Variants in TP63 observed in about 807,000 individuals in gnomAD.
TP63 encodes tumor protein p63.
A neutral mutation model predicts 82.8 loss-of-function variants in TP63; 17 were observed. The ratio of observed to expected loss-of-function variants is 0.21; its 90% CI spans 0.14 to 0.31. TP63 has a LOEUF of 0.31. TP63 is among the 10% of genes least tolerant of loss of function. The probability of loss-of-function intolerance (pLI) is 1.00; values close to 1 mark genes in which losing one functional copy is unlikely to be tolerated. For missense variants in TP63, 648 were observed against 895.3 expected (o/e 0.72, Z 3.52); for synonymous variants, 330 against 321.7 (o/e 1.03, Z -0.28).
chr3:189,827,398 G>A (rs951556737), intron 4 of TP63, among the ~76,000 whole-genome samples: 2 of 152,104 alleles, frequency 1.3e-5, no homozygotes, highest in Admixed American at 6.5e-5. Flanking sequence ...GAGTTCAGAG[G>A]CAGTAGCTTT....
intron 3 of TP63, among the ~76,000 whole-genome samples, chr3:189,779,994 T>C (rs998838311): frequency 6.6e-6 from 1 of 152,126 alleles, no homozygotes; most frequent in Admixed American, 6.6e-5. Flanking sequence ...AACAGTAATA[T>C]AGGTATCCCA....
At chr3:189,858,740 C>T in intron 4 of TP63, among the ~76,000 whole-genome samples, 1 of 152,132 alleles carries the variant, frequency 6.6e-6, no homozygotes, top group East Asian at 1.9e-4. Flanking sequence ...GATGGTGCCA[C>T]TGTACTGCAG....
intron 3 of TP63, among the ~76,000 whole-genome samples, chr3:189,774,398 G>T (rs1244759704): frequency 1.3e-5 from 2 of 152,178 alleles, no homozygotes; most frequent in African/African-American, 2.4e-5. Context: ...TATGTGTAGC[G>T]ATTTTGCAAC....
At chr3:189,773,035 G>A (rs533658289) in intron 3 of TP63, among the ~76,000 whole-genome samples, 15 of 152,198 alleles carry the variant, frequency 9.9e-5, no homozygotes, top group Non-Finnish European at 1.8e-4. Flanking sequence ...ATAAATCAGC[G>A]AAAATGTTTC....
chr3:189,718,658 C>G (rs549767707), intron 1 of TP63, among the ~76,000 whole-genome samples: 7 of 151,598 alleles, frequency 4.6e-5, no homozygotes, highest in African/African-American at 1.2e-4. Flanking sequence ...AGTGTAAAGA[C>G]CTTTATCACA....
chr3:189,726,641 T>A (rs1272154523), intron 1 of TP63, among the ~76,000 whole-genome samples: 1 of 152,140 alleles, frequency 6.6e-6, no homozygotes, highest in African/African-American at 2.4e-5. Flanking sequence ...ATAAAAAAAA[T>A]CAGGTGTGAA....
chr3:189,797,326 T>C (rs1235926016), intron 3 of TP63, among the ~76,000 whole-genome samples: 2 of 152,038 alleles, frequency 1.3e-5, no homozygotes, highest in Non-Finnish European at 2.9e-5. Context: ...TTTAGTATAA[T>C]ACCCCTATGA....
the TP63 span, among the ~76,000 whole-genome samples, chr3:189,620,075 T>C: frequency 1.3e-5 from 2 of 152,080 alleles, no homozygotes; most frequent in Non-Finnish European, 2.9e-5. Flanking sequence ...CACTTCAGAG[T>C]GTAAGAAAAA....
intron 4 of TP63, among the ~76,000 whole-genome samples, chr3:189,816,090 A>T (rs971982965): frequency 1.3e-5 from 2 of 152,204 alleles, no homozygotes; most frequent in Non-Finnish European, 2.9e-5. Context: ...CCAAAGTTGC[A>T]CTCAGAAAAG....
At chr3:189,635,731 A>G (rs1276898993) in intron 1 of TP63, among the ~76,000 whole-genome samples, 1 of 151,998 alleles carries the variant, frequency 6.6e-6, no homozygotes, top group Non-Finnish European at 1.5e-5. Flanking sequence ...GATCCACATC[A>G]TATTCCTTAC....
chr3:189,769,070 G>A (rs531664340), intron 3 of TP63, among the ~76,000 whole-genome samples: 3 of 152,236 alleles, frequency 2.0e-5, no homozygotes, highest in Admixed American at 2.0e-4. Context: ...GATTATAATA[G>A]TACCTTCCTC....
intron 3 of TP63, chr3:189,789,786 A>G: frequency 6.3e-7 from 1 of 1,591,352 alleles, no homozygotes; most frequent in South Asian, 1.2e-5. Context: ...AGCATTGATC[A>G]ATCTTACAGC....
intron 1 of TP63, among the ~76,000 whole-genome samples, chr3:189,705,503 G>A (rs1184481701): frequency 2.0e-5 from 3 of 149,588 alleles, no homozygotes; most frequent in African/African-American, 7.4e-5. Context: ...TATTTAGCCT[G>A]TGGTTGGTAA....
chr3:189,824,785 T>A (rs956823543), intron 4 of TP63, among the ~76,000 whole-genome samples: 1 of 151,328 alleles, frequency 6.6e-6, no homozygotes, highest in African/African-American at 2.4e-5. Context: ...TGAGCTAATG[T>A]CTCCAGTTTT....
chr3:189,677,389 A>AAT lies in TP63; in HGVS notation c.62+45815_62+45816dup. 4.1e-5 allele frequency among the ~76,000 whole-genome samples: 2 copies of AAT among 48,200 alleles called. 1 individual carries two copies. The highest frequency in any genetic ancestry group is 1.2e-4 in the African/African-American group (2 of 16,006). 31.6% of individuals were successfully genotyped at this position (48,200 alleles called of 152,430 possible). On this transcript the variant is annotated intron_variant, in intron 1 of 13. Transcript: ENST00000264731. ...ATTTATATGTAAATAATTATATATA[A>AAT]ATATGTGTGTATATATATACATATA...
intron 1 of TP63, among the ~76,000 whole-genome samples, chr3:189,631,946 A>G (rs559126929): frequency 2.6e-5 from 4 of 152,284 alleles, no homozygotes; most frequent in African/African-American, 9.6e-5. Context: ...ATAAACACCA[A>G]ATAATTTTGA....
intron 1 of TP63, among the ~76,000 whole-genome samples, chr3:189,727,949 T>C (rs1026964761): frequency 2.0e-5 from 3 of 152,228 alleles, no homozygotes; most frequent in African/African-American, 7.2e-5. Context: ...TGCCAGATTC[T>C]AGACTGAAAT....
At chr3:189,699,437 A>AT (rs1240803580) in intron 1 of TP63, among the ~76,000 whole-genome samples, 2 of 152,292 alleles carry the variant, frequency 1.3e-5, no homozygotes, top group African/African-American at 4.8e-5. Context: ...GTTTGGACAT[A>AT]TTTTTCCTAT....
chr3:189,894,878 G>T lies in TP63; in HGVS notation c.*376G>T, dbSNP rs895640607. The T allele has an allele frequency of 2.6e-4, 60 of 232,664 alleles. No homozygotes were observed. The highest frequency in any genetic ancestry group is 1.2e-3 in the African/African-American group (54 of 44,940). 14.4% of individuals were successfully genotyped at this position (232,664 alleles called of 1,614,324 possible). On this transcript the variant is annotated 3_prime_UTR_variant, in exon 14 of 14. Coordinates refer to ENST00000264731, the MANE Select transcript of TP63 (RefSeq NM_003722.5). ...TACAGTATAGATTTTTGGGTGGGGG[G>T]CATTGAGTATTGTTTAAAATGTAAT...
Sources: gnomAD v4.1 joint callset for allele counts (sites outside exome capture counted in the v4.1 genomes callset) on GRCh38, gnomAD v4.1.1 for gene constraint, MANE v1.5 for transcripts, NCBI Gene and HGNC (gene_info 2026-07-23, HGNC 2026-07-21) for gene names.